Variants in DOCK1 observed in about 807,000 individuals in gnomAD.
DOCK1 encodes dedicator of cytokinesis protein 1.
Under a neutral mutation model 262.7 loss-of-function variants are expected in DOCK1, and 138 were observed. The ratio of observed to expected loss-of-function variants is 0.53; its 90% CI spans 0.46 to 0.61. DOCK1 has a LOEUF of 0.61. Among genes scored for constraint, DOCK1 ranks in the 20% least tolerant of loss-of-function variants. The pLI, the probability that DOCK1 is intolerant of heterozygous loss-of-function variation, is 0.00. For missense variants in DOCK1, 1,908 were observed against 2,370.7 expected (o/e 0.80, Z 4.05); for synonymous variants, 866 against 867.4 (o/e 1.00, Z 0.03).
intron 31 of DOCK1, among the ~76,000 whole-genome samples, chr10:127,348,980 G>T (rs1472878975): frequency 6.6e-6 from 1 of 152,112 alleles, no homozygotes; most frequent in Non-Finnish European, 1.5e-5. Context: ...ATTAGAAGGA[G>T]ACTCAGGGAG....
intron 21 of DOCK1, among the ~76,000 whole-genome samples, chr10:127,046,288 G>A (rs1198674642): frequency 6.6e-6 from 1 of 152,138 alleles, no homozygotes; most frequent in Non-Finnish European, 1.5e-5. Context: ...GGCCTATATG[G>A]CAAGGTGTGT....
chr10:127,152,491 C>A (rs2052601478), intron 27 of DOCK1, among the ~76,000 whole-genome samples: 2 of 152,188 alleles, frequency 1.3e-5, no homozygotes, highest in African/African-American at 4.8e-5. Context: ...TTCCTGCTGC[C>A]AGGAGGCCTT....
chr10:126,952,537 GTGA>G (rs1204401492), intron 1 of DOCK1, among the ~76,000 whole-genome samples: 16 of 147,130 alleles, frequency 1.1e-4, no homozygotes, highest in African/African-American at 3.8e-4. Flanking sequence ...AGTACGGTTG[GTGA>G]TGGTGGTGGT....
chr10:127,200,634 G>A (rs768984361), intron 27 of DOCK1, among the ~76,000 whole-genome samples: 119 of 152,236 alleles, frequency 7.8e-4, no homozygotes, highest in Non-Finnish European at 1.4e-3. Flanking sequence ...CAACTCCTCA[G>A]CTCAGGCAAT....
chr10:127,413,968 G>T (rs536974503), intron 43 of DOCK1, among the ~76,000 whole-genome samples: 2 of 152,130 alleles, frequency 1.3e-5, no homozygotes, highest in South Asian at 4.1e-4. Flanking sequence ...CTGAAGTGCA[G>T]TGGTGTAATG....
intron 13 of DOCK1, among the ~76,000 whole-genome samples, chr10:127,021,990 C>T (rs111726529): frequency 6.6e-6 from 1 of 152,140 alleles, no homozygotes; most frequent in Non-Finnish European, 1.5e-5. Flanking sequence ...GGTGGCCAGG[C>T]AGGCAGCAGA....
chr10:127,176,237 G>T lies in DOCK1; in HGVS notation c.2847+48473G>T. On this transcript the variant is annotated intron_variant, in intron 27 of 51. Coordinates refer to ENST00000623213, the MANE Select transcript of DOCK1 (RefSeq NM_001290223.2). The surrounding 1 kb of genome is among the most constrained non-coding windows in gnomAD (Gnocchi z 4.4). The stretch of plus-strand genomic sequence containing the variant: ...TGTCCCTCTGCTCATTCTGTGCCTC[G>T]CAGATATCCTTAAACCGCACCTGCA... The T allele has an allele frequency of 6.2e-7, 1 of 1,614,052 alleles. No homozygotes were observed. The highest frequency in any genetic ancestry group is 8.5e-7 in the Non-Finnish European group (1 of 1,180,014).
chr10:127,121,642 G>A (rs191389502), intron 25 of DOCK1, among the ~76,000 whole-genome samples: 1 of 152,302 alleles, frequency 6.6e-6, no homozygotes, highest in East Asian at 1.9e-4. Flanking sequence ...TATAGAGTAA[G>A]AGAAGTCCCT....
intron 37 of DOCK1, among the ~76,000 whole-genome samples, chr10:127,384,045 G>C (rs1001821546): frequency 6.6e-6 from 1 of 152,150 alleles, no homozygotes; most frequent in Non-Finnish European, 1.5e-5. Context: ...CATCCTGGGA[G>C]TCAGGCATCT....
intron 27 of DOCK1, among the ~76,000 whole-genome samples, chr10:127,242,592 G>T (rs1256805809): frequency 2.0e-5 from 3 of 151,916 alleles, no homozygotes; most frequent in African/African-American, 7.3e-5. Flanking sequence ...TGATTCTTTG[G>T]CTTGAATGCG....
rs940305053 is a variant in DOCK1, at chr10:126,995,349, A to C, written c.474-1399A>C. On this transcript the variant is annotated intron_variant, in intron 6 of 51. Coordinates refer to ENST00000623213, the MANE Select transcript of DOCK1 (RefSeq NM_001290223.2). The surrounding 1 kb of genome is among the most constrained non-coding windows in gnomAD (Gnocchi z 5.8). The stretch of plus-strand genomic sequence containing the variant: ...ATGCCACTGCACTCCAGCCTGGGCA[A>C]CACTGAGCACTGGGTGAGCAAGACT... Among the ~76,000 whole-genome samples the C allele has an allele frequency of 3.3e-5, 5 of 152,202 alleles. No homozygotes were observed. Among genetic ancestry groups the C allele is most frequent in the Admixed American group, 3.3e-4 (5 of 15,288 alleles).
At chr10:127,295,913 A>C (rs1414907458) in intron 29 of DOCK1, among the ~76,000 whole-genome samples, 1 of 152,230 alleles carries the variant, frequency 6.6e-6, no homozygotes, top group Non-Finnish European at 1.5e-5. Context: ...ATAAATATTT[A>C]AATCTCCTCT....
intron 27 of DOCK1, among the ~76,000 whole-genome samples, chr10:127,154,107 T>C (rs561618751): frequency 1.4e-4 from 22 of 152,368 alleles, no homozygotes; most frequent in Non-Finnish European, 2.8e-4. Flanking sequence ...ATGCAACACC[T>C]ACAGCTAAGA....
At chr10:127,027,050 T>C (rs1050163752) in intron 16 of DOCK1, among the ~76,000 whole-genome samples, 1 of 152,238 alleles carries the variant, frequency 6.6e-6, no homozygotes, top group South Asian at 2.1e-4. Flanking sequence ...GATTCCCGTC[T>C]TTCAGGGTGT....
intron 23 of DOCK1, among the ~76,000 whole-genome samples, chr10:127,074,373 T>G (rs1380815588): frequency 2.6e-5 from 4 of 152,232 alleles, no homozygotes; most frequent in Admixed American, 2.0e-4. Flanking sequence ...AGCCCAGTGC[T>G]TTTTTCATGA....
intron 25 of DOCK1, among the ~76,000 whole-genome samples, chr10:127,116,359 T>C (rs2049179517): frequency 6.6e-6 from 1 of 152,328 alleles, no homozygotes; most frequent in Middle Eastern, 3.4e-3. Flanking sequence ...ATGATTCTTC[T>C]AGTTATCAAG....
At chr10:127,291,481 G>A (rs1388484201) in intron 29 of DOCK1, among the ~76,000 whole-genome samples, 5 of 152,076 alleles carry the variant, frequency 3.3e-5, no homozygotes, top group Admixed American at 1.3e-4. Flanking sequence ...GTCTAGTTCT[G>A]TCCCTGGTGG....
intron 27 of DOCK1, among the ~76,000 whole-genome samples, chr10:127,227,203 C>T (rs548022660): frequency 3.3e-5 from 5 of 152,296 alleles, no homozygotes; most frequent in East Asian, 1.9e-4. Context: ...CTGTAGTCTT[C>T]GGCCTTGCTG....
At chr10:127,155,548 G>C (rs1970633) in intron 27 of DOCK1, among the ~76,000 whole-genome samples, 1 of 152,064 alleles carries the variant, frequency 6.6e-6, no homozygotes. Flanking sequence ...CAGGAGAGAG[G>C]GGGATGAACA....
Sources: allele counts gnomAD v4.1 joint callset (sites outside exome capture counted in the v4.1 genomes callset), GRCh38; gene constraint gnomAD v4.1.1; non-coding constraint Gnocchi (gnomAD v3.1); transcripts MANE v1.5; gene names NCBI Gene and HGNC (gene_info 2026-07-23, HGNC 2026-07-21).